SPATA17: variants seen among roughly 807,000 people sequenced by gnomAD.
The protein encoded by SPATA17 is spermatogenesis-associated protein 17.
In SPATA17, 53 loss-of-function variants were observed where a neutral mutation model predicts 62.2. That is an observed-to-expected ratio of 0.85 (90% CI 0.68 to 1.07). The LOEUF (loss-of-function observed/expected upper bound fraction) is 1.07, where lower values mean the gene tolerates loss of function less well. Ranked by LOEUF, SPATA17 falls within the 50% of genes least tolerant of loss-of-function variation. The pLI is 0.00. For synonymous variants in SPATA17, 146 were observed against 146.8 expected, an observed-to-expected ratio of 0.99 and a Z score of 0.04; for missense variants, 466 against 425.5, an observed-to-expected ratio of 1.10 and a Z score of -0.84.
At chr1:217,636,719 C>A (rs1372293210) in intron 1 of SPATA17, among the ~76,000 whole-genome samples, 1 of 152,184 alleles carries the variant, frequency 6.6e-6, no homozygotes, top group Admixed American at 6.5e-5. Context: ...CCACTGGGCC[C>A]AGCCCCTTTG....
At chr1:217,634,369 G>T (rs1558545374) in intron 1 of SPATA17, among the ~76,000 whole-genome samples, 1 of 152,124 alleles carries the variant, frequency 6.6e-6, no homozygotes, top group African/African-American at 2.4e-5. Flanking sequence ...GAGTCAGGAG[G>T]GCTGATTGGT....
At chr1:217,645,700 T>C (rs567436247) in intron 1 of SPATA17, among the ~76,000 whole-genome samples, 1 of 152,312 alleles carries the variant, frequency 6.6e-6, no homozygotes, top group African/African-American at 2.4e-5. Flanking sequence ...AGTTGCCTGC[T>C]CTACTGGACA....
chr1:217,728,833 A>G (rs890838018), intron 5 of SPATA17, among the ~76,000 whole-genome samples: 1 of 152,206 alleles, frequency 6.6e-6, no homozygotes, highest in African/African-American at 2.4e-5. Context: ...TGAACAGTTA[A>G]GTAGGACAGA....
intron 5 of SPATA17, among the ~76,000 whole-genome samples, chr1:217,700,431 G>A (rs1457086965): frequency 5.3e-5 from 8 of 151,916 alleles, no homozygotes; most frequent in Non-Finnish European, 1.0e-4. Flanking sequence ...CCTATTTTTA[G>A]TTCTGATAGA....
At chr1:217,637,098 C>T (rs1669959806) in intron 1 of SPATA17, among the ~76,000 whole-genome samples, 1 of 152,034 alleles carries the variant, frequency 6.6e-6, no homozygotes, top group Admixed American at 6.6e-5. Context: ...TGAAAGGGGG[C>T]TTGAGGAGTG....
chr1:217,864,864 A>G lies in SPATA17; in HGVS notation c.*2+2008A>G, dbSNP rs1451662651. Among the ~76,000 whole-genome samples, 5 of 152,274 alleles carry G rather than the reference A, an allele frequency of 3.3e-5. No homozygotes were observed. In the South Asian group the frequency reaches 8.3e-4, roughly 25 times the overall value. ...GAAATAATTACTTGCTAAATTATTT[A>G]TACAGAAAGACAAAGATGAGTAACA... On this transcript the variant is annotated intron_variant, in intron 10 of 10. Transcript: ENST00000366933.
intron 9 of SPATA17, among the ~76,000 whole-genome samples, chr1:217,815,277 A>C (rs17727185): frequency 0.03 from 4,496 of 152,278 alleles, 106 homozygotes; most frequent in Middle Eastern, 0.061. Context: ...TGGTCTTAAG[A>C]ATCAGGAAAT....
intron 5 of SPATA17, among the ~76,000 whole-genome samples, chr1:217,714,771 CA>C (rs1389388729): frequency 1.4e-4 from 22 of 151,934 alleles, no homozygotes; most frequent in Non-Finnish European, 2.9e-4. Flanking sequence ...AGGCGTGAGC[CA>C]CCGCGCCCAG....
intron 9 of SPATA17, 76 bp from the exon 10 acceptor site, chr1:217,862,698 C>A: frequency 9.2e-7 from 1 of 1,082,078 alleles, no homozygotes; most frequent in Non-Finnish European, 1.4e-6. Context: ...GCAATTTAAT[C>A]TAAATAATAA....
At chr1:217,654,645 C>A (rs761042171) in intron 3 of SPATA17, among the ~76,000 whole-genome samples, 5 of 151,548 alleles carry the variant, frequency 3.3e-5, no homozygotes, top group Non-Finnish European at 7.4e-5. Context: ...TTATTTTATT[C>A]ATTTGACACA....
intron 1 of SPATA17, among the ~76,000 whole-genome samples, chr1:217,643,544 A>T (rs1193814600): frequency 6.6e-6 from 1 of 151,986 alleles, no homozygotes; most frequent in Non-Finnish European, 1.5e-5. Flanking sequence ...CTTACCCCAC[A>T]CAGGCTCTGA....
intron 9 of SPATA17, among the ~76,000 whole-genome samples, chr1:217,837,093 C>G (rs111225910): frequency 0.028 from 4,271 of 152,050 alleles, 93 homozygotes; most frequent in Non-Finnish European, 0.043. Flanking sequence ...TATCAAATGG[C>G]TTGGCCTACT....
chr1:217,712,180 G>T (rs896324808), intron 5 of SPATA17, among the ~76,000 whole-genome samples: 4 of 142,210 alleles, frequency 2.8e-5, no homozygotes, highest in African/African-American at 1.0e-4. Flanking sequence ...GGGCTGGAGT[G>T]CAATGGTACG....
chr1:217,864,779 C>T (rs1675974671), intron 10 of SPATA17, among the ~76,000 whole-genome samples: 1 of 152,046 alleles, frequency 6.6e-6, no homozygotes, highest in South Asian at 2.1e-4. Context: ...ACAAAAACAT[C>T]TTGACTTTAT....
At chr1:217,667,256 C>T (rs1368323897) in intron 3 of SPATA17, among the ~76,000 whole-genome samples, 2 of 151,516 alleles carry the variant, frequency 1.3e-5, no homozygotes, top group East Asian at 1.9e-4. Flanking sequence ...ACCATGTTGG[C>T]CAGGCTGGTC....
In SPATA17 at chr1:217,867,419, T is replaced by C. The variant is rs1279980257; in HGVS notation, c.*400T>C. ...TGAATGGTTTGAAGTGTAAATTGTG[T>C]GAAATAGTTCAGCATGAAAGCTCTG... On this transcript the variant is annotated 3_prime_UTR_variant, in exon 11 of 11. Coordinates refer to ENST00000366933, the MANE Select transcript of SPATA17 (RefSeq NM_138796.4). 1 of 152,150 alleles carries C rather than the reference T, an allele frequency of 6.6e-6. No homozygotes were observed. The highest frequency in any genetic ancestry group is 1.5e-5 in the Non-Finnish European group (1 of 68,046). 9.4% of individuals were successfully genotyped at this position (152,150 alleles called of 1,614,324 possible). A position where few individuals can be genotyped will look rare whatever the true frequency, so the allele number is the denominator to read the frequency against.
intron 9 of SPATA17, among the ~76,000 whole-genome samples, chr1:217,802,957 G>A (rs1308734361): frequency 1.3e-5 from 2 of 152,098 alleles, no homozygotes; most frequent in African/African-American, 4.8e-5. Flanking sequence ...CTGTCGCTCA[G>A]GCTGGAGTGC....
intron 7 of SPATA17, among the ~76,000 whole-genome samples, chr1:217,780,726 A>T (rs546561813): frequency 6.6e-6 from 1 of 152,174 alleles, no homozygotes; most frequent in Non-Finnish European, 1.5e-5. Context: ...TATGATGGTA[A>T]TAACAATAAC....
Position 217,825,095 on chromosome 1 carries a change from T to C in SPATA17, c.1005+23245T>C, listed in dbSNP as rs141855230. ...ATATATTCATATAAATACAAATACA[T>C]TAAAAATTCCTAAAATATACAAAAC... is the stretch of plus-strand genomic sequence containing the variant. On this transcript the variant is annotated intron_variant, in intron 9 of 10. Transcript: ENST00000366933. Among the ~76,000 whole-genome samples, 1,291 of 150,956 alleles carry C rather than the reference T, an allele frequency of 8.6e-3. 16 individuals carry two copies. Among genetic ancestry groups the C allele is most frequent in the African/African-American group, 0.03 (1,224 of 41,284 alleles).
Sources: allele counts gnomAD v4.1 joint callset (sites outside exome capture counted in the v4.1 genomes callset), GRCh38; gene constraint gnomAD v4.1.1; transcripts MANE v1.5; gene names NCBI Gene and HGNC (gene_info 2026-07-23, HGNC 2026-07-21).